KLRG1: variants seen among roughly 807,000 people sequenced by gnomAD.
KLRG1 encodes killer cell lectin like receptor G1, also known as killer cell lectin-like receptor subfamily G member 1.
KLRG1 carries 16 observed loss-of-function variants against 21.8 expected under a neutral mutation model. The ratio of observed to expected loss-of-function variants is 0.73; its 90% confidence interval spans 0.50 to 1.11. The LOEUF (loss-of-function observed/expected upper bound fraction) is 1.11, where lower values mean the gene tolerates loss of function less well. KLRG1 is among the 50% of genes most tolerant of loss of function. The pLI, the probability that KLRG1 is intolerant of heterozygous loss-of-function variation, is 0.00. For missense variants in KLRG1, 173 were observed against 218.3 expected (o/e 0.79, Z 1.31); for synonymous variants, 69 against 75.9 (o/e 0.91, Z 0.47).
chr12:9,013,007 G>A (rs1331834174), downstream of KLRG1, among the ~76,000 whole-genome samples: 1 of 152,156 alleles, frequency 6.6e-6, no homozygotes, highest in East Asian at 1.9e-4. Context: ...TCAGTATGGA[G>A]AGAGAGACTC....
At chr12:9,061,050 T>C in the KLRG1 span, among the ~76,000 whole-genome samples, 2 of 152,348 alleles carry the variant, frequency 1.3e-5, no homozygotes, top group East Asian at 1.9e-4. Context: ...TTCCTTTAAA[T>C]GAATTTGAAG....
chr12:9,083,397 G>A, the KLRG1 span, among the ~76,000 whole-genome samples: 21 of 150,468 alleles, frequency 1.4e-4, no homozygotes, highest in Admixed American at 4.6e-4. Context: ...AAAAAAAAAA[G>A]AAATAGAAAC....
the KLRG1 span, chr12:9,077,082 T>G: frequency 1.3e-6 from 1 of 745,204 alleles, no homozygotes; most frequent in African/African-American, 1.8e-5. Flanking sequence ...TAATATTATT[T>G]TTATCTGTTA....
chr12:9,196,672 C>T, the KLRG1 span: 4 of 1,609,520 alleles, frequency 2.5e-6, no homozygotes, highest in South Asian at 3.3e-5. Flanking sequence ...GGTGATGCAG[C>T]CATTGCTGTT....
At chr12:9,174,434 C>A in the KLRG1 span, among the ~76,000 whole-genome samples, 1 of 152,168 alleles carries the variant, frequency 6.6e-6, no homozygotes, top group African/African-American at 2.4e-5. Context: ...CCCTCTCTCA[C>A]CACTCCCATT....
the KLRG1 span, chr12:9,068,367 GAT>G: frequency 2.3e-5 from 19 of 834,050 alleles, no homozygotes; most frequent in Non-Finnish European, 3.2e-5. Flanking sequence ...TCATTCATCT[GAT>G]GTGTTGCTTG....
At chr12:9,099,542 G>A in the KLRG1 span, 1 of 1,600,750 alleles carries the variant, frequency 6.2e-7, no homozygotes, top group Non-Finnish European at 8.5e-7. Flanking sequence ...CAAAGAGAAT[G>A]AGAGGAAGCC....
chr12:9,032,704 C>G, the KLRG1 span, among the ~76,000 whole-genome samples: 25 of 152,148 alleles, frequency 1.6e-4, no homozygotes, highest in Non-Finnish European at 5.9e-5. Context: ...TAGATGACAT[C>G]AACTGTTATA....
At chr12:9,134,037 AT>A in the KLRG1 span, among the ~76,000 whole-genome samples, 1 of 152,144 alleles carries the variant, frequency 6.6e-6, no homozygotes, top group Admixed American at 6.5e-5. Flanking sequence ...GGAAGTATAG[AT>A]TGTTGGGTTT....
the KLRG1 span, among the ~76,000 whole-genome samples, chr12:9,055,979 T>C: frequency 6.6e-6 from 1 of 152,238 alleles, no homozygotes; most frequent in Non-Finnish European, 1.5e-5. Flanking sequence ...TGTATAGTTC[T>C]GCGTTACCTT....
Position 8,995,290 on chromosome 12 carries a change from T to TA in KLRG1, c.357+5dup. 1 of 1,601,964 alleles carries TA rather than the reference T, an allele frequency of 6.2e-7. No individual in the cohort carries two copies. The highest frequency in any genetic ancestry group is 8.5e-7 in the Non-Finnish European group (1 of 1,176,736). ...GTGATAACGGACAATCAGGAAATGG[T>TA]AAATGCAAACATTTAGAAAATGTAG... On this transcript the variant is annotated splice_region_variant and intron_variant, in intron 3 of 4. Transcript: ENST00000356986.
chr12:9,000,304 G>A (rs930842241), intron 3 of KLRG1, among the ~76,000 whole-genome samples: 1 of 152,122 alleles, frequency 6.6e-6, no homozygotes, highest in Admixed American at 6.5e-5. Context: ...CTTTTGTCAC[G>A]CTTCTTTATA....
At chr12:9,026,991 G>A in the KLRG1 span, among the ~76,000 whole-genome samples, 2 of 151,398 alleles carry the variant, frequency 1.3e-5, no homozygotes, top group Non-Finnish European at 2.9e-5. Flanking sequence ...GAGTAGCTGG[G>A]ACCACAGGTG....
At chr12:9,040,096 T>G in the KLRG1 span, among the ~76,000 whole-genome samples, 24 of 152,146 alleles carry the variant, frequency 1.6e-4, no homozygotes, top group African/African-American at 5.6e-4. Context: ...GGCACTCAAT[T>G]ATAGGAAAGT....
chr12:8,961,029 TCATTATTATTTC>T (rs72437933), intron 1 of KLRG1, among the ~76,000 whole-genome samples: 53,756 of 151,756 alleles, frequency 0.35, 10,888 homozygotes, highest in South Asian at 0.46. Context: ...AAGTTAGGTT[TCATTATTATTTC>T]CATTTTACAT....
the KLRG1 span, among the ~76,000 whole-genome samples, chr12:9,130,679 T>C: frequency 1.3e-5 from 2 of 152,070 alleles, no homozygotes; most frequent in Admixed American, 1.3e-4. Context: ...GTTGTGGGAG[T>C]TCTTTATATA....
chr12:8,956,481 A>G (rs190637203), intron 1 of KLRG1, among the ~76,000 whole-genome samples: 24 of 151,940 alleles, frequency 1.6e-4, no homozygotes, highest in African/African-American at 3.4e-4. Flanking sequence ...GTCTCACTCT[A>G]TCACCCAGAC....
chr12:9,023,560 T>C, the KLRG1 span, among the ~76,000 whole-genome samples: 4 of 152,138 alleles, frequency 2.6e-5, no homozygotes, highest in Admixed American at 2.6e-4. Context: ...TTAACTTTTT[T>C]TTCCTTTTTT....
chr12:9,151,733 T>A, the KLRG1 span: 1 of 1,357,542 alleles, frequency 7.4e-7, no homozygotes, highest in Admixed American at 1.8e-5. Context: ...TGGTGTGAGA[T>A]CTAGAGCAGA....
Sources: gnomAD v4.1 joint callset for allele counts (sites outside exome capture counted in the v4.1 genomes callset) on GRCh38, gnomAD v4.1.1 for gene constraint, MANE v1.5 for transcripts, NCBI Gene and HGNC (gene_info 2026-07-23, HGNC 2026-07-21) for gene names.